Variants in ARNT2 observed in about 807,000 individuals in gnomAD.
ARNT2 encodes the protein ARNT protein 2.
Under a neutral mutation model 91.7 loss-of-function variants are expected in ARNT2, and 36 were observed. The ratio of observed to expected loss-of-function variants is 0.39; its 90% CI spans 0.30 to 0.52. The LOEUF (loss-of-function observed/expected upper bound fraction) is 0.52, where lower values mean the gene tolerates loss of function less well. ARNT2 is among the 20% of genes least tolerant of loss of function. The probability of loss-of-function intolerance (pLI) is 0.72; values close to 1 mark genes in which losing one functional copy is unlikely to be tolerated. For synonymous variants in ARNT2, 365 were observed against 347.1 expected, an observed-to-expected ratio of 1.05 and a Z score of -0.57; for missense variants, 775 against 939.3, an observed-to-expected ratio of 0.83 and a Z score of 2.29.
chr15:80,486,493 G>A (rs970765127), intron 5 of ARNT2, among the ~76,000 whole-genome samples: 1 of 152,158 alleles, frequency 6.6e-6, no homozygotes, highest in African/African-American at 2.4e-5. Context: ...CAGGGTCATT[G>A]GTGGCCTCGT....
intron 8 of ARNT2, among the ~76,000 whole-genome samples, chr15:80,516,995 A>T (rs1897446610): frequency 2.0e-5 from 3 of 151,282 alleles, no homozygotes; most frequent in South Asian, 4.2e-4. Flanking sequence ...CACCCAATAC[A>T]TTGTTACTGT....
Position 80,498,623 on chromosome 15 carries a change from C to T in ARNT2, c.623-9533C>T, listed in dbSNP as rs376039299. ...AAATATGGATGCAAACCCATTCCCC[C>T]GAGTCTCCCAGGAATGGCTGAGAGA... On this transcript the variant is annotated intron_variant, in intron 5 of 18. Transcript: ENST00000303329. 1.4e-4 allele frequency among the ~76,000 whole-genome samples: 21 copies of T among 152,316 alleles called. No individual in the cohort carries two copies. In the East Asian group the frequency reaches 3.5e-3, roughly 25 times the overall value.
intron 5 of ARNT2, among the ~76,000 whole-genome samples, chr15:80,481,504 T>A (rs1191454366): frequency 6.6e-6 from 1 of 152,100 alleles, no homozygotes; most frequent in Non-Finnish European, 1.5e-5. Context: ...GTGTCCAGGA[T>A]TTTGAGACCA....
At chr15:80,514,065 C>A in intron 7 of ARNT2, 89 bp downstream of exon 7, 1 of 1,323,870 alleles carries the variant, frequency 7.6e-7, no homozygotes, top group Non-Finnish European at 1.1e-6. Context: ...AAAGAAGGGG[C>A]TTAGTGTGGT....
intron 12 of ARNT2, among the ~76,000 whole-genome samples, chr15:80,566,333 A>G (rs562286637): frequency 6.6e-6 from 1 of 152,264 alleles, no homozygotes; most frequent in East Asian, 1.9e-4. Flanking sequence ...CTTCCTGTTC[A>G]TGAGTGTATC....
At chr15:80,590,450 A>C (rs556813191) in intron 17 of ARNT2, among the ~76,000 whole-genome samples, 10 of 152,338 alleles carry the variant, frequency 6.6e-5, no homozygotes, top group Admixed American at 6.5e-4. Context: ...TTCGACAAAA[A>C]ACCACTTACT....
intron 1 of ARNT2, among the ~76,000 whole-genome samples, chr15:80,422,834 C>T (rs1220252106): frequency 2.0e-5 from 3 of 152,138 alleles, no homozygotes; most frequent in African/African-American, 4.8e-5. Context: ...TCTACACTTA[C>T]TTGTATTTAT....
chr15:80,460,515 A>G (rs1319387125), intron 3 of ARNT2, among the ~76,000 whole-genome samples: 2 of 152,148 alleles, frequency 1.3e-5, no homozygotes, highest in Non-Finnish European at 2.9e-5. Context: ...CAGTGCCATA[A>G]ATGTTCTCAG....
intron 17 of ARNT2, among the ~76,000 whole-genome samples, chr15:80,584,197 G>A (rs1305014417): frequency 6.6e-6 from 1 of 152,152 alleles, no homozygotes; most frequent in African/African-American, 2.4e-5. Flanking sequence ...TCTGTGATGA[G>A]TACACTGCTG....
At chr15:80,411,362 T>G (rs1895678306) in intron 1 of ARNT2, among the ~76,000 whole-genome samples, 1 of 152,232 alleles carries the variant, frequency 6.6e-6, no homozygotes, top group African/African-American at 2.4e-5. Context: ...AGTAGGGTTT[T>G]GTTAATGAAT....
chr15:80,589,396 G>A (rs1893233030), intron 17 of ARNT2, among the ~76,000 whole-genome samples: 1 of 151,980 alleles, frequency 6.6e-6, no homozygotes, highest in Non-Finnish European at 1.5e-5. Context: ...AGGAGAGGTA[G>A]GTATGTACTT....
At chr15:80,473,597 G>A (rs1052588850) in intron 4 of ARNT2, among the ~76,000 whole-genome samples, 3 of 152,112 alleles carry the variant, frequency 2.0e-5, no homozygotes, top group Non-Finnish European at 2.9e-5. Context: ...TCTAGGTGAC[G>A]CAGAACAGCA....
chr15:80,487,956 C>G (rs1897002009), intron 5 of ARNT2: 2 of 152,194 alleles, frequency 1.3e-5, no homozygotes, highest in Admixed American at 6.5e-5. Flanking sequence ...GGGAGGCTGC[C>G]AGGGATACAA....
At chr15:80,488,581 T>C (rs1897010068) in intron 5 of ARNT2, 1 of 152,156 alleles carries the variant, frequency 6.6e-6, no homozygotes, top group Non-Finnish European at 1.5e-5. Flanking sequence ...AGGACTCCAC[T>C]CCATTTCTGT....
chr15:80,529,894 A>C (rs559756558), intron 8 of ARNT2, among the ~76,000 whole-genome samples: 1 of 152,376 alleles, frequency 6.6e-6, no homozygotes, highest in Admixed American at 6.5e-5. Flanking sequence ...TGACAAGTAC[A>C]CATTTCATCT....
intron 1 of ARNT2, among the ~76,000 whole-genome samples, chr15:80,435,134 C>T (rs1178628489): frequency 1.3e-5 from 2 of 152,168 alleles, no homozygotes; most frequent in Non-Finnish European, 2.9e-5. Context: ...CAGATACAGC[C>T]AACAGCCAGC....
chr15:80,445,852 G>A (rs868501447), intron 1 of ARNT2, among the ~76,000 whole-genome samples: 4 of 152,028 alleles, frequency 2.6e-5, no homozygotes, highest in Admixed American at 6.6e-5. Flanking sequence ...ATCGTGTTAC[G>A]AGTGGGGTGC....
chr15:80,548,093 A>T (rs1318231818), intron 8 of ARNT2, among the ~76,000 whole-genome samples: 2 of 152,174 alleles, frequency 1.3e-5, no homozygotes, highest in African/African-American at 4.8e-5. Flanking sequence ...TATTCTGAAA[A>T]AGCTTCCCCT....
intron 8 of ARNT2, among the ~76,000 whole-genome samples, chr15:80,539,672 A>G (rs1195213319): frequency 5.3e-5 from 8 of 152,124 alleles, no homozygotes; most frequent in Non-Finnish European, 2.9e-5. Flanking sequence ...AGATGTCATG[A>G]TTATCTACAT....
Sources: allele counts gnomAD v4.1 joint callset (sites outside exome capture counted in the v4.1 genomes callset), GRCh38; gene constraint gnomAD v4.1.1; transcripts MANE v1.5; gene names NCBI Gene and HGNC (gene_info 2026-07-23, HGNC 2026-07-21).